FRMPD4: variants seen among roughly 807,000 people sequenced by gnomAD.
FRMPD4 encodes the protein FERM and PDZ domain containing 4, also known as FERM and PDZ domain-containing protein 4.
A neutral mutation model predicts 94.1 loss-of-function variants in FRMPD4; 22 were observed. The ratio of observed to expected loss-of-function variants is 0.23; its 90% confidence interval spans 0.17 to 0.33. The LOEUF is 0.33. Among genes scored for constraint, FRMPD4 ranks in the 10% least tolerant of loss-of-function variants. The pLI is 1.00. For missense variants in FRMPD4, 1,111 were observed against 1,339.9 expected (o/e 0.83, Z 2.67); for synonymous variants, 631 against 548.6 (o/e 1.15, Z -2.10).
chrX:12,235,247 CA>C (rs1055120992), intron 1 of FRMPD4, among the ~76,000 whole-genome samples: 7 of 111,654 alleles, frequency 6.3e-5, no homozygotes, highest in African/African-American at 2.0e-4. Context: ...TGGCTGGTAA[CA>C]GCTTTGAGGA....
rs1400975264 is a variant in FRMPD4 at position 12,248,529 on chromosome X, TAGG to T, written c.41+109520_41+109522del. ...AACATGTTAGCAAACTTCCAAATAC[TAGG>T]AGAAGTTGTTAAGGGTCATGTATAG... On this transcript the variant is annotated intron_variant, in intron 1 of 16. Transcript: ENST00000675598. 9.8e-5 allele frequency among the ~76,000 whole-genome samples: 11 copies of T among 112,295 alleles called. No homozygotes were observed. The Admixed American group carries it at 1.0e-3, about 11-fold the overall frequency.
At position 12,474,492 on chromosome X, in the gene FRMPD4, A is replaced by G. The variant is rs190472980; in HGVS notation, c.42-24188A>G. On this transcript the variant is annotated intron_variant, in intron 1 of 16. Transcript: ENST00000675598. ...GAACTGAAGGAAATAGAGACACAAA[A>G]AACCCTTCAAAAAATCAATGAATCC... Among the ~76,000 whole-genome samples, 348 of 111,839 alleles carry G rather than the reference A, an allele frequency of 3.1e-3. 2 individuals carry two copies. The highest frequency in any genetic ancestry group is 9.4e-3 in the African/African-American group (289 of 30,758).
intron 3 of FRMPD4, among the ~76,000 whole-genome samples, chrX:12,038,161 G>A (rs2054730456): frequency 1.8e-5 from 2 of 111,741 alleles, no homozygotes; most frequent in Admixed American, 1.9e-4. Context: ...TATCTGGGAT[G>A]GATATTAAGT....
At chrX:11,990,001 A>G (rs2054455398) in intron 3 of FRMPD4, among the ~76,000 whole-genome samples, 1 of 112,151 alleles carries the variant, frequency 8.9e-6, no homozygotes. Flanking sequence ...AGAAATATGT[A>G]TACATACATG....
intron 1 of FRMPD4, among the ~76,000 whole-genome samples, chrX:12,414,569 G>A (rs1005501917): frequency 4.5e-5 from 5 of 111,407 alleles, no homozygotes; most frequent in African/African-American, 1.6e-4. Context: ...CTTCTATTAC[G>A]GACAGGACTA....
chrX:12,479,367 CATAT>C (rs1252246080), intron 1 of FRMPD4, among the ~76,000 whole-genome samples: 10 of 19,776 alleles, frequency 5.1e-4, no homozygotes, highest in Admixed American at 3.0e-3. Context: ...CACACACACA[CATAT>C]ACATATATAC....
At chrX:12,147,459 G>C (rs986824589) in intron 1 of FRMPD4, among the ~76,000 whole-genome samples, 4 of 112,498 alleles carry the variant, frequency 3.6e-5, no homozygotes, top group Non-Finnish European at 7.5e-5. Flanking sequence ...AGATTCACAT[G>C]GACCAGCACC....
intron 1 of FRMPD4, among the ~76,000 whole-genome samples, chrX:12,488,072 G>C (rs2057756760): frequency 8.9e-6 from 1 of 112,081 alleles, no homozygotes; most frequent in Admixed American, 9.5e-5. Flanking sequence ...GTGTACCTAA[G>C]TGGGCTGTAA....
chrX:12,082,041 A>C (rs991454297), intron 3 of FRMPD4, among the ~76,000 whole-genome samples: 28 of 112,381 alleles, frequency 2.5e-4, no homozygotes, highest in African/African-American at 8.7e-4. Context: ...TACCCAAATA[A>C]AATTATAATA....
At position 12,228,280 on chromosome X, in the gene FRMPD4, C is replaced by G. The variant is rs2056946427; in HGVS notation, c.41+89268C>G. Among the ~76,000 whole-genome samples, 3 of 112,270 alleles carry G rather than the reference C, an allele frequency of 2.7e-5. No homozygotes were observed. In the South Asian group the frequency reaches 1.1e-3, roughly 41 times the overall value. ...GGTTTAAACTTGTCTTTCCTAAACG[C>G]ACCTGAATATAGAATCCTACTTTTG... On this transcript the variant is annotated intron_variant, in intron 1 of 16. Coordinates refer to ENST00000675598, the MANE Select transcript of FRMPD4 (RefSeq NM_001368397.1).
intron 3 of FRMPD4, among the ~76,000 whole-genome samples, chrX:12,052,142 G>A (rs1274804750): frequency 1.8e-5 from 2 of 111,225 alleles, no homozygotes; most frequent in African/African-American, 3.3e-5. Context: ...AATGGCATTC[G>A]GCCTTTTACA....
At chrX:12,501,673 T>TA (rs982600243) in intron 2 of FRMPD4, among the ~76,000 whole-genome samples, 9 of 111,762 alleles carry the variant, frequency 8.1e-5, no homozygotes, top group Non-Finnish European at 1.9e-5. Flanking sequence ...TTCTTTTTTT[T>TA]ATCTCGTCTT....
intron 3 of FRMPD4, among the ~76,000 whole-genome samples, chrX:11,986,515 A>G (rs1253207761): frequency 8.9e-6 from 1 of 111,989 alleles, no homozygotes; most frequent in Non-Finnish European, 1.9e-5. Flanking sequence ...CATCTTAAGG[A>G]ACTAGAAAAG....
chrX:11,827,786 G>A, intron 1 of FRMPD4, among the ~76,000 whole-genome samples: 1 of 111,907 alleles, frequency 8.9e-6, no homozygotes, highest in East Asian at 2.8e-4. Flanking sequence ...ACAGATGCAT[G>A]GACAGCGTAT....
chrX:12,365,859 C>G (rs1490402983), intron 1 of FRMPD4, among the ~76,000 whole-genome samples: 1 of 111,930 alleles, frequency 8.9e-6, no homozygotes, highest in Admixed American at 9.4e-5. Context: ...ATTTTATTTT[C>G]TACTGTATTT....
At chrX:12,135,950 G>A (rs1369841566), upstream of FRMPD4, among the ~76,000 whole-genome samples, 1 of 111,354 alleles carries the variant, frequency 9.0e-6, no homozygotes, top group Non-Finnish European at 1.9e-5. Flanking sequence ...GGAACGTGTC[G>A]GTGGCCACTC....
chrX:11,865,103 C>T (rs771683989), exon 2 of FRMPD4, among the ~76,000 whole-genome samples: 1 of 111,198 alleles, frequency 9.0e-6, no homozygotes, highest in Non-Finnish European at 1.9e-5. Context: ...AAAAAGAGAC[C>T]AAGTGAAAAA....
chrX:12,654,935 T>C (rs772116450), intron 4 of FRMPD4, among the ~76,000 whole-genome samples: 22 of 112,381 alleles, frequency 2.0e-4, no homozygotes, highest in Middle Eastern at 4.6e-3. Flanking sequence ...ACTGAGAACA[T>C]TGAATTGATC....
intron 1 of FRMPD4, among the ~76,000 whole-genome samples, chrX:12,491,601 A>G (rs1790008678): frequency 8.9e-6 from 1 of 112,618 alleles, no homozygotes; most frequent in South Asian, 3.7e-4. Context: ...ACAGTGCCTG[A>G]CAGCAGTTAT....
Sources: allele counts gnomAD v4.1 joint callset (sites outside exome capture counted in the v4.1 genomes callset), GRCh38; gene constraint gnomAD v4.1.1; transcripts MANE v1.5; gene names NCBI Gene and HGNC (gene_info 2026-07-23, HGNC 2026-07-21).